The following TMEM63A variants were observed in gnomAD, a reference collection of about 807,000 sequenced individuals.
TMEM63A encodes the protein transmembrane protein 63A.
In TMEM63A, 76 loss-of-function variants were observed where a neutral mutation model predicts 100.6. The observed-to-expected ratio is 0.76, with a 90% CI of 0.63 to 0.91. The LOEUF is 0.91. TMEM63A is among the 40% of genes least tolerant of loss of function. The pLI is 0.00. For synonymous variants in TMEM63A, 401 were observed against 401.1 expected, an observed-to-expected ratio of 1.00 and a Z score of 0.00; for missense variants, 876 against 1,008.8, an observed-to-expected ratio of 0.87 and a Z score of 1.78.
In TMEM63A at chr1:225,878,877, TACCTACCTAC is replaced by T. The variant is rs1253225440; in HGVS notation, c.-15+333_-15+342del. On this transcript the variant is annotated intron_variant, in intron 2 of 24. Coordinates refer to ENST00000366835, the MANE Select transcript of TMEM63A (RefSeq NM_014698.3). ...ACACATGGACACCTACCTACCTACC[TACCTACCTAC>T]ACACACACACACACACACACACACA... is the stretch of plus-strand genomic sequence containing the variant. Among the ~76,000 whole-genome samples, 82 of 117,426 alleles carry T rather than the reference TACCTACCTAC, an allele frequency of 7.0e-4. 1 individual carries two copies. The highest frequency in any genetic ancestry group is 1.5e-3 in the South Asian group (5 of 3,448). The allele number at this position is 117,426 out of a possible 152,430, so 77.0% of individuals were successfully genotyped here. A position where few individuals can be genotyped will look rare whatever the true frequency, so the allele number is the denominator to read the frequency against.
At chr1:225,866,814 A>T (rs570607378) in intron 8 of TMEM63A, 132 bp from the exon 9 acceptor site, 1 of 818,318 alleles carries the variant, frequency 1.2e-6, no homozygotes, top group African/African-American at 1.7e-5. Flanking sequence ...GATGCCTCCC[A>T]CAGAGGTTGT....
chr1:225,847,046 C>G lies in TMEM63A; in HGVS notation c.2418G>C (p.Glu806Asp). The change falls in exon 24 of 25, where the codon GAG becomes GAC. Residue 806 changes from glutamate (E) to aspartate (D), a missense_variant. By Grantham distance (45) the Glu-to-Asp change is conservative. Coordinates refer to ENST00000366835, the MANE Select transcript of TMEM63A (RefSeq NM_014698.3). ...GCCAGCAGCTCACCCAGCCTCAGGC[C>G]TCCTGGGGGGCAGCAGCCACACTGC... is the stretch of plus-strand genomic sequence containing the variant. ...ATGSVAAAPQ[E>D]A 6.2e-7 allele frequency: 1 copy of G among 1,610,806 alleles called. No individual in the cohort carries two copies. Among genetic ancestry groups the G allele is most frequent in the Non-Finnish European group, 8.5e-7 (1 of 1,178,700 alleles).
At chr1:225,852,632 T>A (rs538632492) in intron 20 of TMEM63A, 32 bp downstream of exon 20, 1 of 1,601,632 alleles carries the variant, frequency 6.2e-7, no homozygotes, top group South Asian at 1.1e-5. Flanking sequence ...CATGTACCCA[T>A]GTACCCTGGG....
chr1:225,841,945 T>G (rs2671264), downstream of TMEM63A, among the ~76,000 whole-genome samples: 5,721 of 150,722 alleles, frequency 0.038, 156 homozygotes, highest in East Asian at 0.12. Flanking sequence ...TTTTGGCTTA[T>G]GAGTATATCA....
In TMEM63A at chr1:225,877,514, G is replaced by T; in HGVS notation, c.67C>A (p.Leu23Ile). 1 of 1,614,208 alleles carries T rather than the reference G, an allele frequency of 6.2e-7. No individual in the cohort carries two copies. Among genetic ancestry groups the T allele is most frequent in the Non-Finnish European group, 8.5e-7 (1 of 1,180,040 alleles). ...KAVSIREQLGLGDRPNDSYCY... is the reference protein window; with the variant it reads ...KAVSIREQLGIGDRPNDSYCY... Reference sequence around the variant, plus strand: ...TAGGAGTCGTTGGGCCGGTCCCCGAGTCCCAGCTGCTCCCTGATGGACACT... The same window carrying T: ...TAGGAGTCGTTGGGCCGGTCCCCGATTCCCAGCTGCTCCCTGATGGACACT... The change falls in exon 3 of 25, where the codon CTC (leucine) becomes ATC (isoleucine). Residue 23 changes from leucine (L) to isoleucine (I), a missense_variant. This residue lies in a region of TMEM63A where 43 missense variants were observed against 48.9 expected (regional missense o/e 0.88). Transcript: ENST00000366835.
At chr1:225,854,764 G>T (rs190883703) in intron 18 of TMEM63A, among the ~76,000 whole-genome samples, 2 of 152,274 alleles carry the variant, frequency 1.3e-5, no homozygotes, top group Admixed American at 1.3e-4. Flanking sequence ...TGGCATGGAA[G>T]CCGTGGGTTC....
chr1:225,849,585 C>T (rs1325641732), intron 21 of TMEM63A, among the ~76,000 whole-genome samples: 3 of 152,220 alleles, frequency 2.0e-5, no homozygotes, highest in African/African-American at 7.2e-5. Flanking sequence ...TTGACCAGGC[C>T]TTCACAAGGG....
intron 6 of TMEM63A, among the ~76,000 whole-genome samples, chr1:225,870,443 C>A (rs923595704): frequency 4.2e-5 from 1 of 23,970 alleles, no homozygotes; most frequent in East Asian, 7.4e-4. Flanking sequence ...CATCAGTCCC[C>A]GCCCCCCCCC....
Position 225,853,862 on chromosome 1 carries a change from G to T in TMEM63A, c.1635-71C>A. 6.9e-7 allele frequency: 1 copy of T among 1,451,086 alleles called. No homozygotes were observed. The highest frequency in any genetic ancestry group is 2.4e-5 in the East Asian group (1 of 40,850). 89.9% of individuals were successfully genotyped at this position (1,451,086 alleles called of 1,614,324 possible). The stretch of plus-strand genomic sequence containing the variant: ...GAGGGAGAGGAGGGGCCCCTAGGCT[G>T]GGCAGGAGCAGAAAGCCCCTGGGAG... On this transcript the variant is annotated intron_variant, in intron 18 of 24. Coordinates refer to ENST00000366835, the MANE Select transcript of TMEM63A (RefSeq NM_014698.3). The surrounding 1 kb of genome is among the most constrained non-coding windows in gnomAD (Gnocchi z 4.0).
intron 6 of TMEM63A, among the ~76,000 whole-genome samples, chr1:225,869,666 C>CT (rs10638876): frequency 0.041 from 4,470 of 109,900 alleles, 166 homozygotes; most frequent in East Asian, 0.15. Flanking sequence ...CTTTTCTTTT[C>CT]TTTTTTTTTT....
chr1:225,855,603 G>C (rs1368422953), intron 18 of TMEM63A, among the ~76,000 whole-genome samples: 1 of 152,070 alleles, frequency 6.6e-6, no homozygotes, highest in Non-Finnish European at 1.5e-5. Flanking sequence ...TCTGTGCTCA[G>C]TAAGTTTCAA....
chr1:225,866,411 T>A, intron 9 of TMEM63A, 163 bp downstream of exon 9: 1 of 614,406 alleles, frequency 1.6e-6, no homozygotes, highest in Non-Finnish European at 2.9e-6. Context: ...CTGTTTTTTT[T>A]AAAGATGGTG....
At chr1:225,845,312 A>G (rs767079609), downstream of TMEM63A, 52 of 1,612,196 alleles carry the variant, frequency 3.2e-5, no homozygotes, top group Non-Finnish European at 4.3e-5. Flanking sequence ...CGCCCAGGAC[A>G]TCCGCAAGTT....
downstream of TMEM63A, chr1:225,842,609 C>T (rs150820921): frequency 9.7e-5 from 74 of 761,546 alleles, no homozygotes; most frequent in Middle Eastern, 1.5e-3. Context: ...TACAAATCCT[C>T]ACCCTGTGAC....
chr1:225,869,182 A>G (rs1040091011), intron 6 of TMEM63A, among the ~76,000 whole-genome samples: 2 of 152,234 alleles, frequency 1.3e-5, no homozygotes, highest in African/African-American at 4.8e-5. Flanking sequence ...TCTGACCTCG[A>G]GCAAGGAAAC....
chr1:225,879,035 G>A (rs1352907361), intron 2 of TMEM63A, among the ~76,000 whole-genome samples, 185 bp downstream of exon 2: 1 of 152,176 alleles, frequency 6.6e-6, no homozygotes, highest in East Asian at 1.9e-4. Context: ...TGGAGGTAGT[G>A]GGGGTTGTGA....
intron 1 of TMEM63A, among the ~76,000 whole-genome samples, chr1:225,880,072 T>C (rs1671013895): frequency 6.6e-6 from 1 of 152,136 alleles, no homozygotes; most frequent in Non-Finnish European, 1.5e-5. Context: ...CTAAGTTACT[T>C]GTCTCTTGCC....
chr1:225,843,497 C>G, downstream of TMEM63A, among the ~76,000 whole-genome samples: 1 of 152,178 alleles, frequency 6.6e-6, no homozygotes, highest in Non-Finnish European at 1.5e-5. Context: ...GCCCTACATT[C>G]AGCAGGACAC....
At chr1:225,866,725 A>G (rs1283547594) in intron 8 of TMEM63A, 43 bp from the exon 9 acceptor site, 2 of 1,591,118 alleles carry the variant, frequency 1.3e-6, no homozygotes, top group African/African-American at 2.7e-5. Context: ...GATCCCAGGC[A>G]GGGAGCTGGG....
Sources: gnomAD v4.1 joint callset for allele counts (sites outside exome capture counted in the v4.1 genomes callset) on GRCh38, gnomAD v4.1.1 for gene constraint, gnomAD v4.1.1 regional missense constraint, Gnocchi (gnomAD v3.1) non-coding constraint, MANE v1.5 for transcripts, NCBI Gene and HGNC (gene_info 2026-07-23, HGNC 2026-07-21) for gene names.